ITPRID2: variants seen among roughly 807,000 people sequenced by gnomAD.
ITPRID2 encodes the protein protein ITPRID2.
Under a neutral mutation model 124.3 loss-of-function variants are expected in ITPRID2, and 60 were observed. The observed-to-expected ratio is 0.48, with a 90% CI of 0.39 to 0.60. The LOEUF is 0.60. Among genes scored for constraint, ITPRID2 ranks in the 20% least tolerant of loss-of-function variants. ITPRID2 has a pLI of 0.00. For synonymous variants in ITPRID2, 521 were observed against 542.9 expected (o/e 0.96, Z 0.56); for missense variants, 1,553 against 1,512.2 (o/e 1.03, Z -0.45).
chr2:181,928,103 G>T, intron 16 of ITPRID2, 58 bp from the exon 17 acceptor site: 2 of 1,197,268 alleles, frequency 1.7e-6, no homozygotes, highest in South Asian at 2.9e-5. Flanking sequence ...CCAAAAACAG[G>T]AAAAAATGAA....
At chr2:181,924,663 C>T (rs1694720848) in intron 16 of ITPRID2, among the ~76,000 whole-genome samples, 1 of 152,122 alleles carries the variant, frequency 6.6e-6, no homozygotes, top group Admixed American at 6.5e-5. Flanking sequence ...TTCGTTGTAC[C>T]ATTAAGTGAG....
intron 8 of ITPRID2, among the ~76,000 whole-genome samples, chr2:181,909,493 A>G (rs922064236): frequency 6.6e-6 from 1 of 152,120 alleles, no homozygotes; most frequent in African/African-American, 2.4e-5. Flanking sequence ...TTTTCATATA[A>G]TAGCAACATT....
At position 181,902,405 on chromosome 2, in the gene ITPRID2, T is replaced by A. The variant is rs780771387; in HGVS notation, c.1352T>A (p.Leu451Gln). 2 of 1,611,136 alleles carry A rather than the reference T, an allele frequency of 1.2e-6. No individual in the cohort carries two copies. The highest frequency in any genetic ancestry group is 2.2e-5 in the South Asian group (2 of 90,092). The change falls in exon 8 of 18, where the codon CTG becomes CAG. Residue 451 changes from leucine (L) to glutamine (Q), a missense_variant. Leu to Gln is a moderately radical substitution (Grantham distance 113, BLOSUM62 -2). Transcript: ENST00000431877. The surrounding 1 kb of genome is among the most constrained non-coding windows in gnomAD (Gnocchi z 4.4). ...STPEKEPCAPLTIPSIRNIMT... is the reference protein window; with the variant it reads ...STPEKEPCAPQTIPSIRNIMT... ...CCTGAAAAAGAGCCTTGTGCACCAC[T>A]GACAATACCATCCATAAGAAATATA... is the stretch of plus-strand genomic sequence containing the variant.
In ITPRID2 at chr2:181,896,173, T is replaced by TA; in HGVS notation, c.307+95dup. The TA allele has an allele frequency of 9.1e-7, 1 of 1,097,324 alleles. No individual in the cohort carries two copies. The highest frequency in any genetic ancestry group is 1.4e-6 in the Non-Finnish European group (1 of 728,390). The allele number at this position is 1,097,324 out of a possible 1,614,324, so 68.0% of individuals were successfully genotyped here. A position where few individuals can be genotyped will look rare whatever the true frequency, so the allele number is the denominator to read the frequency against. Reference sequence around the variant, plus strand: ...GTGTATATATGACTTATAAAAGTGATATTCATGTTTATAGTATATGCTATT... The same window carrying TA: ...GTGTATATATGACTTATAAAAGTGATAATTCATGTTTATAGTATATGCTATT... On this transcript the variant is annotated intron_variant, in intron 3 of 17. Transcript: ENST00000431877. The surrounding 1 kb of genome is among the most constrained non-coding windows in gnomAD (Gnocchi z 4.3).
intron 8 of ITPRID2, among the ~76,000 whole-genome samples, chr2:181,904,064 C>T (rs1692895761): frequency 1.3e-5 from 2 of 152,130 alleles, no homozygotes; most frequent in African/African-American, 4.8e-5. Context: ...TCAAAGAAGT[C>T]AAGGAAGTTT....
intron 6 of ITPRID2, among the ~76,000 whole-genome samples, chr2:181,900,449 G>A (rs1692568806): frequency 6.6e-6 from 1 of 152,140 alleles, no homozygotes; most frequent in Non-Finnish European, 1.5e-5. Flanking sequence ...ATCTCTGACT[G>A]TGTTCGTTGG....
In ITPRID2 at chr2:181,905,054, T is replaced by A. The variant is rs2125077046; in HGVS notation, c.1413+2588T>A. 6.8e-6 allele frequency among the ~76,000 whole-genome samples: 1 copy of A among 147,638 alleles called. No homozygotes were observed. Among genetic ancestry groups the A allele is most frequent in the South Asian group, 2.1e-4 (1 of 4,714 alleles). ...TATGAATGTTTATAACGATGTTTTT[T>A]CTTTTTTTTTTTTTTTTGAGACGGA... On this transcript the variant is annotated intron_variant, in intron 8 of 17. Coordinates refer to ENST00000431877, the MANE Select transcript of ITPRID2 (RefSeq NM_001130445.3). The surrounding 1 kb of genome is among the most constrained non-coding windows in gnomAD (Gnocchi z 4.1).
chr2:181,912,597 T>C (rs934156614), intron 9 of ITPRID2, among the ~76,000 whole-genome samples: 4 of 152,370 alleles, frequency 2.6e-5, no homozygotes, highest in Admixed American at 1.3e-4. Context: ...TTAATTATAT[T>C]ATCTGGCTCT....
chr2:181,901,817 C>G lies in ITPRID2; in HGVS notation c.764C>G (p.Ser255Cys). The G allele has an allele frequency of 6.2e-7, 1 of 1,613,618 alleles. No individual in the cohort carries two copies. Among genetic ancestry groups the G allele is most frequent in the Non-Finnish European group, 8.5e-7 (1 of 1,179,746 alleles). The change falls in exon 8 of 18, where the codon TCT becomes TGT. Residue 255 changes from serine to cysteine, a missense_variant. Ser to Cys is a moderately radical substitution (Grantham distance 112). Coordinates refer to ENST00000431877, the MANE Select transcript of ITPRID2 (RefSeq NM_001130445.3). ...ACTACTGTGGCCAATGCGTTTTCTTCTTTATATTCTCAAGTCTCCGGGACG... is the reference window on the plus strand; with the variant it reads ...ACTACTGTGGCCAATGCGTTTTCTTGTTTATATTCTCAAGTCTCCGGGACG... ...VLTTVANAFS[S>C]LYSQVSGTPL...
chr2:181,928,958 A>G (rs559382678), intron 17 of ITPRID2, among the ~76,000 whole-genome samples: 1 of 152,158 alleles, frequency 6.6e-6, no homozygotes, highest in African/African-American at 2.4e-5. Flanking sequence ...ATCTTTCCTA[A>G]TTATTTTTAT....
rs1692610917 is a variant in ITPRID2 at position 181,900,907 on chromosome 2, AAGAT to A, written c.712+4_712+7del. 4.4e-6 allele frequency: 7 copies of A among 1,601,400 alleles called. No homozygotes were observed. The highest frequency in any genetic ancestry group is 6.0e-6 in the Non-Finnish European group (7 of 1,174,716). On this transcript the variant is annotated splice_donor_5th_base_variant and intron_variant, in intron 7 of 17. Transcript: ENST00000431877. ...AAACCCAAATTATGCTTTAACAAGTAAGATTTTTAAGTGTTAGGCATATTATTTT... is the reference window on the plus strand; with the variant it reads ...AAACCCAAATTATGCTTTAACAAGTATTTTAAGTGTTAGGCATATTATTTT...
chr2:181,900,953 T>C (rs1692617781), intron 7 of ITPRID2, 49 bp downstream of exon 7: 2 of 1,378,210 alleles, frequency 1.5e-6, no homozygotes, highest in Admixed American at 4.6e-5. Context: ...TTATAGCATC[T>C]ACAGCAAGAT....
At chr2:181,928,922 G>A (rs540058673) in intron 17 of ITPRID2, among the ~76,000 whole-genome samples, 206 of 151,892 alleles carry the variant, frequency 1.4e-3, no homozygotes, top group Admixed American at 2.6e-3. Context: ...CACCGCGCCC[G>A]GCCGAATTAA....
intron 6 of ITPRID2, among the ~76,000 whole-genome samples, chr2:181,900,306 C>T (rs1692553513): frequency 6.6e-6 from 1 of 152,184 alleles, no homozygotes; most frequent in Admixed American, 6.5e-5. Flanking sequence ...CAAAATGTCC[C>T]TCAGTTCCTT....
chr2:181,899,116 A>G lies in ITPRID2; in HGVS notation c.503+4A>G, dbSNP rs1692454644. On this transcript the variant is annotated splice_donor_region_variant and intron_variant, in intron 6 of 17. Coordinates refer to ENST00000431877, the MANE Select transcript of ITPRID2 (RefSeq NM_001130445.3). ...AAAGTAGTGGGACAGTTTCAAGGTA[A>G]CTTATTCTGAAATTGTGTTGGAATT... 3 of 1,581,550 alleles carry G rather than the reference A, an allele frequency of 1.9e-6. No individual in the cohort carries two copies. The highest frequency in any genetic ancestry group is 2.6e-6 in the Non-Finnish European group (3 of 1,163,198).
At chr2:181,897,089 A>T in intron 4 of ITPRID2, 125 bp downstream of exon 4, 1 of 761,870 alleles carries the variant, frequency 1.3e-6, no homozygotes, top group East Asian at 2.5e-5. Flanking sequence ...TGGCTCAGGC[A>T]TATTTTACAT....
At chr2:181,927,607 G>T (rs1275087465) in intron 16 of ITPRID2, among the ~76,000 whole-genome samples, 1 of 152,134 alleles carries the variant, frequency 6.6e-6, no homozygotes, top group Non-Finnish European at 1.5e-5. Context: ...TTGTTTTGAG[G>T]ATGTTTTTTA....
Position 181,895,688 on chromosome 2 carries a change from GAGA to G in ITPRID2, c.258-337_258-335del, listed in dbSNP as rs552902329. Among the ~76,000 whole-genome samples the G allele has an allele frequency of 3.2e-3, 480 of 152,116 alleles. 1 individual carries two copies. Among genetic ancestry groups the G allele is most frequent in the African/African-American group, 0.011 (443 of 41,546 alleles). ...GTTTTCTTTTTTGATGGAAGGGGTT[GAGA>G]AGAACAGACATTTTCTTAATGCTTA... On this transcript the variant is annotated intron_variant, in intron 2 of 17. Transcript: ENST00000431877.
intron 16 of ITPRID2, among the ~76,000 whole-genome samples, chr2:181,925,850 T>G (rs1243814725): frequency 6.6e-6 from 1 of 152,246 alleles, no homozygotes; most frequent in Admixed American, 6.5e-5. Flanking sequence ...GAAATTGTTC[T>G]TTCTTTGTTG....
Sources: allele counts gnomAD v4.1 joint callset (sites outside exome capture counted in the v4.1 genomes callset), GRCh38; gene constraint gnomAD v4.1.1; non-coding constraint Gnocchi (gnomAD v3.1); transcripts MANE v1.5; gene names NCBI Gene and HGNC (gene_info 2026-07-23, HGNC 2026-07-21).